TMPRSS15: variants seen among roughly 807,000 people sequenced by gnomAD.
TMPRSS15 encodes enteropeptidase.
A neutral mutation model predicts 125.3 loss-of-function variants in TMPRSS15; 128 were observed. The observed-to-expected ratio is 1.02, with a 90% CI of 0.89 to 1.18. The LOEUF (loss-of-function observed/expected upper bound fraction) is 1.18. Among genes scored for constraint, TMPRSS15 ranks in the 50% most tolerant of loss-of-function variants. The probability of loss-of-function intolerance (pLI) is 0.00; values close to 1 mark genes in which losing one functional copy is unlikely to be tolerated. For synonymous variants in TMPRSS15, 446 were observed against 423.2 expected, an observed-to-expected ratio of 1.05 and a Z score of -0.66; for missense variants, 1,283 against 1,212.7, an observed-to-expected ratio of 1.06 and a Z score of -0.86.
At position 18,375,070 on chromosome 21, in the gene TMPRSS15, T is replaced by C. The variant is rs902050872; in HGVS notation, c.533-2746A>G. On this transcript the variant is annotated intron_variant, in intron 5 of 24. Transcript: ENST00000284885. The stretch of plus-strand genomic sequence containing the variant: ...TTTAAGTTGGAATATTAGGTATTGT[T>C]TTAAGTTGCACTCTGTCTCTCTCCA... Among the ~76,000 whole-genome samples, 11 of 152,328 alleles carry C rather than the reference T, an allele frequency of 7.2e-5. No individual in the cohort carries two copies. The East Asian group carries it at 1.2e-3, about 16-fold the overall frequency.
rs879248978 is a variant in TMPRSS15, at chr21:18,365,380, T to A, written c.665-132A>T. ...TATGAAACTGAAATGATAGTAAGAT[T>A]TCATGTTTGAAACCTATTAGCCATG... On this transcript the variant is annotated intron_variant, in intron 6 of 24. Transcript: ENST00000284885. The A allele has an allele frequency of 9.0e-6, 7 of 774,208 alleles. No homozygotes were observed. The South Asian group carries it at 1.0e-4, about 11-fold the overall frequency. 48.0% of individuals were successfully genotyped at this position (774,208 alleles called of 1,614,324 possible).
At chr21:18,403,274 T>C (rs557829252) in intron 1 of TMPRSS15, among the ~76,000 whole-genome samples, 1 of 152,344 alleles carries the variant, frequency 6.6e-6, no homozygotes, top group Non-Finnish European at 1.5e-5. Flanking sequence ...TTAATTTTCC[T>C]AATATTCTCT....
intron 4 of TMPRSS15, among the ~76,000 whole-genome samples, chr21:18,380,378 A>T (rs2075881796): frequency 6.6e-6 from 1 of 152,118 alleles, no homozygotes; most frequent in African/African-American, 2.4e-5. Flanking sequence ...GAACATTGTA[A>T]TATTACGAAT....
At chr21:18,458,546 T>C (rs1978485860) in intron 1 of TMPRSS15, among the ~76,000 whole-genome samples, 1 of 152,200 alleles carries the variant, frequency 6.6e-6, no homozygotes, top group African/African-American at 2.4e-5. Context: ...TTTCACAAAG[T>C]GGTCGGACAA....
chr21:18,408,951 A>G (rs926620042), intron 1 of TMPRSS15, among the ~76,000 whole-genome samples: 3 of 152,098 alleles, frequency 2.0e-5, no homozygotes, highest in Admixed American at 2.0e-4. Flanking sequence ...GATCAATTCA[A>G]TTTTAATTGA....
chr21:18,446,712 G>C (rs1224706256), intron 1 of TMPRSS15, among the ~76,000 whole-genome samples: 2 of 152,096 alleles, frequency 1.3e-5, no homozygotes, highest in African/African-American at 4.8e-5. Context: ...CTTCAATAAA[G>C]TTGCTCTGGA....
At chr21:18,404,550 G>A (rs114675825), upstream of TMPRSS15, among the ~76,000 whole-genome samples, 597 of 152,024 alleles carry the variant, frequency 3.9e-3, 7 homozygotes, top group African/African-American at 0.013. Context: ...ATTAAATTAC[G>A]GTTTAGCATT....
At chr21:18,426,921 T>C (rs371798727) in intron 1 of TMPRSS15, among the ~76,000 whole-genome samples, 1 of 152,234 alleles carries the variant, frequency 6.6e-6, no homozygotes, top group Non-Finnish European at 1.5e-5. Flanking sequence ...AATGTCTCAG[T>C]TGGATTTTAT....
At chr21:18,412,348 A>C (rs1383323959) in intron 1 of TMPRSS15, among the ~76,000 whole-genome samples, 2 of 152,160 alleles carry the variant, frequency 1.3e-5, no homozygotes, top group Non-Finnish European at 2.9e-5. Flanking sequence ...AGTTTTCCAC[A>C]TCCGCTTGCT....
chr21:18,404,926 T>C (rs1484658815), upstream of TMPRSS15, among the ~76,000 whole-genome samples: 1 of 152,036 alleles, frequency 6.6e-6, no homozygotes, highest in African/African-American at 2.4e-5. Flanking sequence ...ATATGAAATA[T>C]ATATATGAAA....
At chr21:18,304,705 A>G (rs1051714550) in intron 18 of TMPRSS15, among the ~76,000 whole-genome samples, 1 of 152,142 alleles carries the variant, frequency 6.6e-6, no homozygotes, top group African/African-American at 2.4e-5. Context: ...TTCACCTTTG[A>G]TATTACAGTG....
chr21:18,416,586 A>G (rs1362283611), intron 1 of TMPRSS15, among the ~76,000 whole-genome samples: 5 of 152,054 alleles, frequency 3.3e-5, no homozygotes, highest in Admixed American at 3.3e-4. Flanking sequence ...CCATATCATT[A>G]CAGAGTGGGG....
At chr21:18,405,716 C>A (rs977665397), upstream of TMPRSS15, among the ~76,000 whole-genome samples, 9 of 152,094 alleles carry the variant, frequency 5.9e-5, no homozygotes, top group African/African-American at 2.2e-4. Flanking sequence ...AACTTCAGAT[C>A]TTCATCTCAC....
chr21:18,381,189 G>T (rs2824787), intron 4 of TMPRSS15, among the ~76,000 whole-genome samples: 71,679 of 151,898 alleles, frequency 0.47, 17,686 homozygotes, highest in East Asian at 0.78. Flanking sequence ...CTATATTGAT[G>T]ATAAGTGGGC....
chr21:18,329,709 T>C (rs184504613), intron 14 of TMPRSS15, among the ~76,000 whole-genome samples: 6 of 151,702 alleles, frequency 4.0e-5, no homozygotes, highest in East Asian at 1.9e-4. Context: ...ATAGGACAAG[T>C]AAGCTTTAAT....
At position 18,276,755 on chromosome 21, in the gene TMPRSS15, CTTT is replaced by C. The variant is rs372920414; in HGVS notation, c.2765-1422_2765-1420del. ...ACTCAAAAGATTGAAAACTGGGATT[CTTT>C]TTTTTTTTTTTTTTTTTTGAGACGA... On this transcript the variant is annotated intron_variant, in intron 23 of 24. Coordinates refer to ENST00000284885, the MANE Select transcript of TMPRSS15 (RefSeq NM_002772.3). 5.7e-3 allele frequency among the ~76,000 whole-genome samples: 692 copies of C among 121,304 alleles called. 1 individual carries two copies. Among genetic ancestry groups the C allele is most frequent in the Non-Finnish European group, 7.9e-3 (446 of 56,560 alleles). The allele number at this position is 121,304 out of a possible 152,430, so 79.6% of individuals were successfully genotyped here.
chr21:18,471,848 A>C (rs1978786787), intron 1 of TMPRSS15, among the ~76,000 whole-genome samples: 1 of 151,802 alleles, frequency 6.6e-6, no homozygotes, highest in African/African-American at 2.4e-5. Context: ...GGGCAAAAAA[A>C]AGGCAGGAGA....
intron 3 of TMPRSS15, among the ~76,000 whole-genome samples, chr21:18,392,800 G>A (rs2123100039): frequency 6.6e-6 from 1 of 152,302 alleles, no homozygotes; most frequent in Admixed American, 6.5e-5. Context: ...AGGTGAAGAA[G>A]CAGCAAGTAC....
At chr21:18,435,580 G>C (rs1448010275) in intron 1 of TMPRSS15, among the ~76,000 whole-genome samples, 1 of 152,250 alleles carries the variant, frequency 6.6e-6, no homozygotes, top group Non-Finnish European at 1.5e-5. Flanking sequence ...AAGGATATTG[G>C]TCTAAAATTC....
Sources: gnomAD v4.1 joint callset for allele counts (sites outside exome capture counted in the v4.1 genomes callset) on GRCh38, gnomAD v4.1.1 for gene constraint, MANE v1.5 for transcripts, NCBI Gene and HGNC (gene_info 2026-07-23, HGNC 2026-07-21) for gene names.